ERC1: variants seen among roughly 807,000 people sequenced by gnomAD.
ERC1 encodes the protein RAB6 interacting protein 2.
A neutral mutation model predicts 132.0 loss-of-function variants in ERC1; 56 were observed. That is an observed-to-expected ratio of 0.42 (90% confidence interval 0.34 to 0.53). The LOEUF (loss-of-function observed/expected upper bound fraction) is 0.53, where lower values mean the gene tolerates loss of function less well. Among genes scored for constraint, ERC1 ranks in the 20% least tolerant of loss-of-function variants. The pLI is 0.03. For missense variants in ERC1, 1,202 were observed against 1,349.9 expected, an observed-to-expected ratio of 0.89 and a Z score of 1.72; for synonymous variants, 478 against 476.1, an observed-to-expected ratio of 1.00 and a Z score of -0.05.
At chr12:1,321,899 A>T (rs2082138681) in intron 15 of ERC1, among the ~76,000 whole-genome samples, 1 of 152,206 alleles carries the variant, frequency 6.6e-6, no homozygotes, top group African/African-American at 2.4e-5. Flanking sequence ...ACAAACGGGG[A>T]TCAATGCATT....
chr12:1,209,901 C>T (rs193218074), intron 12 of ERC1, among the ~76,000 whole-genome samples: 3 of 152,260 alleles, frequency 2.0e-5, no homozygotes, highest in Admixed American at 2.0e-4. Flanking sequence ...TTATAAAAAT[C>T]GACCTTTCCT....
chr12:1,165,621 C>A (rs1952344439), intron 8 of ERC1, among the ~76,000 whole-genome samples: 1 of 152,128 alleles, frequency 6.6e-6, no homozygotes, highest in African/African-American at 2.4e-5. Context: ...GTATGAGCCA[C>A]CGCGCCTGGC....
intron 15 of ERC1, among the ~76,000 whole-genome samples, chr12:1,353,611 G>A (rs2154367608): frequency 6.6e-6 from 1 of 152,266 alleles, no homozygotes; most frequent in East Asian, 1.9e-4. Context: ...CATAGGCTGG[G>A]GGGCCACTTG....
At chr12:1,051,725 C>G (rs1972033396) in intron 2 of ERC1, among the ~76,000 whole-genome samples, 3 of 151,982 alleles carry the variant, frequency 2.0e-5, no homozygotes, top group Admixed American at 1.3e-4. Flanking sequence ...TCTCTTATAA[C>G]AAGAATGAAA....
intron 15 of ERC1, among the ~76,000 whole-genome samples, chr12:1,321,996 C>T (rs574084088): frequency 1.1e-4 from 17 of 152,092 alleles, no homozygotes; most frequent in Non-Finnish European, 2.4e-4. Context: ...CTTTCCATAC[C>T]ACGTTCGGCA....
chr12:1,001,634 A>G (rs564252939), intron 1 of ERC1, among the ~76,000 whole-genome samples: 9 of 152,222 alleles, frequency 5.9e-5, no homozygotes, highest in South Asian at 2.1e-4. Context: ...TTGCATCTTT[A>G]TATGCATGGA....
intron 15 of ERC1, among the ~76,000 whole-genome samples, chr12:1,364,207 A>C (rs2086440937): frequency 6.6e-6 from 1 of 152,214 alleles, no homozygotes; most frequent in South Asian, 2.1e-4. Flanking sequence ...TTCATTCTTT[A>C]GGAACTGTTT....
intron 8 of ERC1, among the ~76,000 whole-genome samples, chr12:1,150,819 CA>C (rs1950766609): frequency 6.6e-6 from 1 of 152,102 alleles, no homozygotes. Flanking sequence ...AAGAAACTGT[CA>C]CAGCCAAGAA....
chr12:1,227,199 C>A (rs574414365), intron 12 of ERC1, among the ~76,000 whole-genome samples: 5 of 152,160 alleles, frequency 3.3e-5, no homozygotes, highest in African/African-American at 9.7e-5. Flanking sequence ...TTTAGAGGAA[C>A]CTTCTTACCG....
At chr12:1,275,317 G>T (rs749484110) in intron 14 of ERC1, among the ~76,000 whole-genome samples, 3 of 152,010 alleles carry the variant, frequency 2.0e-5, no homozygotes, top group Non-Finnish European at 4.4e-5. Flanking sequence ...GTGAAACCTT[G>T]TCTCTACTAA....
intron 8 of ERC1, among the ~76,000 whole-genome samples, chr12:1,145,923 T>G (rs192060142): frequency 6.6e-6 from 1 of 152,324 alleles, no homozygotes; most frequent in Non-Finnish European, 1.5e-5. Context: ...TCTGTTCCAT[T>G]GGTCTGTGTG....
chr12:1,330,676 A>T (rs550639092), intron 15 of ERC1, among the ~76,000 whole-genome samples: 1 of 151,960 alleles, frequency 6.6e-6, no homozygotes, highest in Non-Finnish European at 1.5e-5. Flanking sequence ...TTATTCATTT[A>T]CACAGGACAT....
In ERC1 at chr12:1,115,914, G is replaced by A. The variant is rs149046970; in HGVS notation, c.1450G>A (p.Ala484Thr). The change falls in exon 7 of 19, where the codon GCC becomes ACC. Residue 484 changes from alanine to threonine, a missense_variant. Ala to Thr is a moderately conservative substitution (Grantham distance 58, BLOSUM62 0). Transcript: ENST00000360905. ...ELSRKDTELLALQTKLETLTN... is the reference protein window; with the variant it reads ...ELSRKDTELLTLQTKLETLTN... ...GTCCAGAAAGGACACAGAACTACTCGCCCTGCAGACAAAGCTAGAAACACT... is the reference window on the plus strand; with the variant it reads ...GTCCAGAAAGGACACAGAACTACTCACCCTGCAGACAAAGCTAGAAACACT... 28 of 1,614,030 alleles carry A rather than the reference G, an allele frequency of 1.7e-5. No individual in the cohort carries two copies. The highest frequency in any genetic ancestry group is 2.3e-5 in the Non-Finnish European group (27 of 1,179,990).
intron 14 of ERC1, among the ~76,000 whole-genome samples, chr12:1,265,459 A>G (rs2077417758): frequency 6.6e-6 from 1 of 152,216 alleles, no homozygotes; most frequent in Non-Finnish European, 1.5e-5. Context: ...AAAATTGAGC[A>G]GAAAGTGCAA....
At chr12:1,246,302 A>G (rs572267030) in intron 13 of ERC1, among the ~76,000 whole-genome samples, 1 of 152,326 alleles carries the variant, frequency 6.6e-6, no homozygotes, top group South Asian at 2.1e-4. Flanking sequence ...GGAGACTGGC[A>G]GTTTTAAAAA....
chr12:1,131,332 T>A (rs377760425), intron 7 of ERC1, among the ~76,000 whole-genome samples: 3 of 152,216 alleles, frequency 2.0e-5, no homozygotes, highest in African/African-American at 7.2e-5. Flanking sequence ...AAGTGTCATG[T>A]TGGCAAAGCC....
chr12:1,084,074 C>G (rs1028509309), intron 3 of ERC1, among the ~76,000 whole-genome samples: 2 of 152,112 alleles, frequency 1.3e-5, no homozygotes, highest in Non-Finnish European at 2.9e-5. Context: ...GTAAAAGATA[C>G]GTGATAAAAA....
At position 1,082,998 on chromosome 12, in the gene ERC1, C is replaced by T. The variant is rs2154189067; in HGVS notation, c.670-166C>T. 4 of 588,050 alleles carry T rather than the reference C, an allele frequency of 6.8e-6. No homozygotes were observed. The South Asian group carries it at 9.7e-5, about 14-fold the overall frequency. 36.4% of individuals were successfully genotyped at this position (588,050 alleles called of 1,614,324 possible). On this transcript the variant is annotated intron_variant, in intron 2 of 18. Transcript: ENST00000360905. Reference sequence around the variant, plus strand: ...CTGAAGTTAAATTACTGACATTTTGCATATTATCTCAATCATTTTTTAAGG... The same window carrying T: ...CTGAAGTTAAATTACTGACATTTTGTATATTATCTCAATCATTTTTTAAGG...
At chr12:1,414,520 G>A (rs12822900) in intron 17 of ERC1, among the ~76,000 whole-genome samples, 18 of 152,248 alleles carry the variant, frequency 1.2e-4, no homozygotes, top group African/African-American at 9.6e-5. Context: ...ACAAACATTC[G>A]ATTGATAGCA....
Sources: gnomAD v4.1 joint callset for allele counts (sites outside exome capture counted in the v4.1 genomes callset) on GRCh38, gnomAD v4.1.1 for gene constraint, MANE v1.5 for transcripts, NCBI Gene and HGNC (gene_info 2026-07-23, HGNC 2026-07-21) for gene names.